Variants in ZFHX2 observed in about 807,000 individuals in gnomAD.
ZFHX2 encodes the protein zinc finger homeobox 2.
ZFHX2 carries 75 observed loss-of-function variants against 164.8 expected under a neutral mutation model. The ratio of observed to expected loss-of-function variants is 0.46; its 90% CI spans 0.38 to 0.55. ZFHX2 has a LOEUF of 0.55. ZFHX2 is among the 20% of genes least tolerant of loss of function. ZFHX2 has a pLI of 0.00. For missense variants in ZFHX2, 2,933 were observed against 3,308.0 expected (o/e 0.89, Z 2.78); for synonymous variants, 1,217 against 1,351.4 (o/e 0.90, Z 2.18).
rs183509534 is a variant in ZFHX2 at position 23,529,498 on chromosome 14, A to G, written c.2934+212T>C. The G allele has an allele frequency of 8.9e-6, 5 of 564,506 alleles. No individual in the cohort carries two copies. The Admixed American group carries it at 9.2e-5, about 10-fold the overall frequency. 35.0% of individuals were successfully genotyped at this position (564,506 alleles called of 1,614,324 possible). On this transcript the variant is annotated intron_variant, in intron 6 of 9. Transcript: ENST00000419474. ...CTCAAGTTCCTGCTGTCTCCCTCCT[A>G]TCATCTCCCTCTGTGCTTGACCCTG...
intron 1 of ZFHX2, among the ~76,000 whole-genome samples, chr14:23,540,940 C>G (rs1204797537): frequency 1.3e-5 from 2 of 151,706 alleles, no homozygotes; most frequent in Admixed American, 6.6e-5. Flanking sequence ...GAGTCTCGCT[C>G]TGTCACCCAG....
rs1011490586 is a variant in ZFHX2, at chr14:23,527,627, A to C, written c.3112T>G (p.Cys1038Gly). ...LSHLHNVVPECVEKLLLVATT... is the reference protein window; with the variant it reads ...LSHLHNVVPEGVEKLLLVATT... Reference sequence around the variant, plus strand: ...ACTACAAGCAGCAGCTTCTCAACGCACTCGGGCACCACGTTGTGAAGGTGG... The same window carrying C: ...ACTACAAGCAGCAGCTTCTCAACGCCCTCGGGCACCACGTTGTGAAGGTGG... The change falls in exon 7 of 10, where the codon TGC (cysteine) becomes GGC (glycine). Residue 1038 changes from cysteine to glycine, a missense_variant. By Grantham distance (159) the Cys-to-Gly change is radical. Coordinates refer to ENST00000419474, the MANE Select transcript of ZFHX2 (RefSeq NM_033400.3). The C allele has an allele frequency of 6.5e-7, 1 of 1,536,490 alleles. No homozygotes were observed.
chr14:23,538,972 C>T (rs929049037), intron 1 of ZFHX2, among the ~76,000 whole-genome samples: 7 of 152,120 alleles, frequency 4.6e-5, no homozygotes, highest in Admixed American at 2.6e-4. Flanking sequence ...TACAAGGCTG[C>T]TGCCACTGAG....
At chr14:23,528,551 G>C (rs1879085733) in intron 6 of ZFHX2, 1 of 961,910 alleles carries the variant, frequency 1.0e-6, no homozygotes, top group Non-Finnish European at 1.2e-6. Context: ...ATTTCCTCTG[G>C]GCATTTTCTG....
At position 23,521,476 on chromosome 14, in the gene ZFHX2, T is replaced by C. The variant is rs1877978138; in HGVS notation, c.*486A>G. 6.5e-6 allele frequency: 1 copy of C among 154,674 alleles called. No homozygotes were observed. The highest frequency in any genetic ancestry group is 2.4e-5 in the African/African-American group (1 of 41,452). The allele number at this position is 154,674 out of a possible 1,614,324, so 9.6% of individuals were successfully genotyped here. On this transcript the variant is annotated 3_prime_UTR_variant, in exon 10 of 10. Coordinates refer to ENST00000419474, the MANE Select transcript of ZFHX2 (RefSeq NM_033400.3). ...TGTTTTCCTTCCCCCTTCTTTGCCTTGGGCTTTCTTTTTCGTTTCTTCTTT... is the reference window on the plus strand; with the variant it reads ...TGTTTTCCTTCCCCCTTCTTTGCCTCGGGCTTTCTTTTTCGTTTCTTCTTT...
chr14:23,530,512 G>A (rs1402719996), intron 4 of ZFHX2: 3 of 556,476 alleles, frequency 5.4e-6, no homozygotes, highest in East Asian at 4.1e-5. Context: ...CCCAGGAAAT[G>A]GGAAGCCCCA....
Position 23,523,672 on chromosome 14 carries a change from G to A in ZFHX2, c.6270C>T (p.Pro2090=). 1.3e-6 allele frequency: 2 copies of A among 1,540,728 alleles called. No homozygotes were observed. Among genetic ancestry groups the A allele is most frequent in the Non-Finnish European group, 1.7e-6 (2 of 1,148,976 alleles). The change falls in exon 9 of 10, where the codon CCC becomes CCT. Residue 2090 remains proline (P), a synonymous_variant. Transcript: ENST00000419474. This position sits in a 1 kb window ranked among gnomAD's most constrained non-coding sequence, Gnocchi z 4.1. ...CCAGCACCTCACACTCCTGCATGGT[G>A]GGGGTGCGGTAAGCTTCATAGCAGG... The part of the protein sequence containing the change: ...MKACYEAYRT[P]TMQECEVLGE...
Position 23,524,392 on chromosome 14 carries a change from C to T in ZFHX2, c.5550G>A (p.Gly1850=), listed in dbSNP as rs999519384. 1 of 1,536,080 alleles carries T rather than the reference C, an allele frequency of 6.5e-7. No individual in the cohort carries two copies. The highest frequency in any genetic ancestry group is 1.2e-5 in the South Asian group (1 of 84,068). Residue 1850 remains glycine, a synonymous_variant, in exon 9 of 10, where the codon GGG becomes GGA. Transcript: ENST00000419474. The surrounding 1 kb of genome is among the most constrained non-coding windows in gnomAD (Gnocchi z 5.6). The part of the protein sequence containing the change: ...SPTGSEAGGG[G]EGEPPRDKRL... ...GCTTGTCCCTGGGGGGCTCGCCCTC[C>T]CCTCCTCCCCCTGCTTCACTGCCTG...
At chr14:23,554,946 T>C (rs1445269947), upstream of ZFHX2, among the ~76,000 whole-genome samples, 1 of 152,126 alleles carries the variant, frequency 6.6e-6, no homozygotes, top group East Asian at 1.9e-4. Context: ...TAATATTTTG[T>C]CTCCCAAAGC....
rs927801369 is a variant in ZFHX2 at position 23,529,589 on chromosome 14, T to C, written c.2934+121A>G. 22 of 1,012,776 alleles carry C rather than the reference T, an allele frequency of 2.2e-5. No individual in the cohort carries two copies. The Admixed American group carries it at 4.6e-4, about 21-fold the overall frequency. 62.7% of individuals were successfully genotyped at this position (1,012,776 alleles called of 1,614,324 possible). On this transcript the variant is annotated intron_variant, in intron 6 of 9. Transcript: ENST00000419474. ...CTGGATCTGGGTGGAATTTCTTAAC[T>C]GTGCTATTCTGAGTGAAATAAGTCA...
Position 23,523,253 on chromosome 14 carries a change from C to T in ZFHX2, c.6689G>A (p.Gly2230Asp). The T allele has an allele frequency of 7.0e-7, 1 of 1,435,490 alleles. No homozygotes were observed. Among genetic ancestry groups the T allele is most frequent in the East Asian group, 2.5e-5 (1 of 39,792 alleles). The allele number at this position is 1,435,490 out of a possible 1,614,324, so 88.9% of individuals were successfully genotyped here. A position where few individuals can be genotyped will look rare whatever the true frequency, so the allele number is the denominator to read the frequency against. ...LPRLAPVLLS[G>D]PALAQPPLGN... The stretch of plus-strand genomic sequence containing the variant: ...CAGCGGGGGCTGAGCCAGAGCTGGG[C>T]CAGATAAGAGGACCGGCGCCAGGCG... Residue 2230 changes from glycine (G) to aspartate (D), a missense_variant, in exon 9 of 10, where the codon GGC (glycine) becomes GAC (aspartate). By Grantham distance (94) the Gly-to-Asp change is moderately conservative. Coordinates refer to ENST00000419474, the MANE Select transcript of ZFHX2 (RefSeq NM_033400.3). The surrounding 1 kb of genome is among the most constrained non-coding windows in gnomAD (Gnocchi z 4.1).
chr14:23,524,959 T>C lies in ZFHX2; in HGVS notation c.4983A>G (p.Pro1661=). 1 of 1,536,242 alleles carries C rather than the reference T, an allele frequency of 6.5e-7. No individual in the cohort carries two copies. Among genetic ancestry groups the C allele is most frequent in the Admixed American group, 2.0e-5 (1 of 50,998 alleles). ...RKNACEGGSM[P]TGGGTGGASG... is the part of the protein sequence containing the mutation. ...AGGCTCCCCCAGTGCCTCCTCCGGTTGGCATGGACCCACCCTCACAGGCAT... is the reference window on the plus strand; with the variant it reads ...AGGCTCCCCCAGTGCCTCCTCCGGTCGGCATGGACCCACCCTCACAGGCAT... Residue 1661 remains proline, a synonymous_variant, in exon 9 of 10, where the codon CCA becomes CCG. Coordinates refer to ENST00000419474, the MANE Select transcript of ZFHX2 (RefSeq NM_033400.3). The surrounding 1 kb of genome is among the most constrained non-coding windows in gnomAD (Gnocchi z 5.6).
intron 6 of ZFHX2, 38 bp from the exon 7 acceptor site, chr14:23,527,842 GAAGGATGGGACCCACCATCACAT>G (rs1878953152): frequency 6.6e-7 from 1 of 1,526,364 alleles, no homozygotes; most frequent in African/African-American, 1.4e-5. Context: ...AAGTGTCAGG[GAAGGATGGGACCCACCATCACAT>G]AGTCCTTTGG....
Position 23,521,194 on chromosome 14 carries a change from CTGG to C in ZFHX2, c.*765_*767del, listed in dbSNP as rs1397167203. On this transcript the variant is annotated 3_prime_UTR_variant, in exon 10 of 10. Transcript: ENST00000419474. ...AAGGTAGGGATTGGCAGAGGGGTTT[CTGG>C]TGGCGGCATCCCCTAGAGTCCAGGC... 6.6e-6 allele frequency: 1 copy of C among 152,390 alleles called. No homozygotes were observed. Among genetic ancestry groups the C allele is most frequent in the African/African-American group, 2.4e-5 (1 of 41,410 alleles). The allele number at this position is 152,390 out of a possible 1,614,324, so 9.4% of individuals were successfully genotyped here.
chr14:23,537,010 C>G (rs987109690), intron 1 of ZFHX2, among the ~76,000 whole-genome samples: 1 of 151,976 alleles, frequency 6.6e-6, no homozygotes, highest in African/African-American at 2.4e-5. Context: ...CGTGGTGGTG[C>G]ATGCCTGTAA....
intron 1 of ZFHX2, chr14:23,548,255 T>G (rs1202807892): frequency 1.3e-5 from 2 of 152,314 alleles, no homozygotes; most frequent in Non-Finnish European, 2.9e-5. Flanking sequence ...CTTAGGTTCC[T>G]TCCTCTTGCT....
chr14:23,552,766 T>G (rs1171296388), upstream of ZFHX2, among the ~76,000 whole-genome samples: 1 of 151,812 alleles, frequency 6.6e-6, no homozygotes. Context: ...CATGCCCTGC[T>G]AATTTTGTAT....
At chr14:23,536,501 G>A (rs1880156998) in intron 1 of ZFHX2, among the ~76,000 whole-genome samples, 2 of 152,100 alleles carry the variant, frequency 1.3e-5, no homozygotes, top group Admixed American at 6.6e-5. Flanking sequence ...ACAGCTAGTC[G>A]GTTGCCTCCT....
intron 1 of ZFHX2, among the ~76,000 whole-genome samples, chr14:23,550,444 C>G (rs934769169): frequency 6.6e-6 from 1 of 152,190 alleles, no homozygotes; most frequent in Non-Finnish European, 1.5e-5. Flanking sequence ...AGGCGTGACA[C>G]ATAGTGATAG....
Sources: allele counts gnomAD v4.1 joint callset (sites outside exome capture counted in the v4.1 genomes callset), GRCh38; gene constraint gnomAD v4.1.1; non-coding constraint Gnocchi (gnomAD v3.1); transcripts MANE v1.5; gene names NCBI Gene and HGNC (gene_info 2026-07-23, HGNC 2026-07-21).